Variants in KCNT2 observed in about 807,000 individuals in gnomAD.
KCNT2 encodes the protein potassium sodium-activated channel subfamily T member 2.
KCNT2 carries 67 observed loss-of-function variants against 153.8 expected under a neutral mutation model. The ratio of observed to expected loss-of-function variants is 0.44; its 90% confidence interval spans 0.36 to 0.53. The LOEUF (loss-of-function observed/expected upper bound fraction) is 0.53. Among genes scored for constraint, KCNT2 ranks in the 20% least tolerant of loss-of-function variants. The pLI, the probability that KCNT2 is intolerant of heterozygous loss-of-function variation, is 0.00. For synonymous variants in KCNT2, 500 were observed against 458.8 expected (o/e 1.09, Z -1.15); for missense variants, 975 against 1,354.8 (o/e 0.72, Z 4.40).
chr1:196,285,847 A>T, intron 22 of KCNT2, 89 bp from the exon 23 acceptor site: 1 of 732,120 alleles, frequency 1.4e-6, no homozygotes, highest in Non-Finnish European at 2.5e-6. Context: ...ATACGTAAAA[A>T]GTTCTCATCA....
intron 13 of KCNT2, among the ~76,000 whole-genome samples, chr1:196,384,204 C>A (rs141728818): frequency 1.2e-4 from 18 of 152,168 alleles, no homozygotes; most frequent in Non-Finnish European, 1.5e-4. Flanking sequence ...GAAACTAAAG[C>A]TGTTAACTTC....
Position 196,327,691 on chromosome 1 carries a change from G to T in KCNT2, c.2104-802C>A, listed in dbSNP as rs1380652833. On this transcript the variant is annotated intron_variant, in intron 18 of 27. Transcript: ENST00000294725. The stretch of plus-strand genomic sequence containing the variant: ...ATCTTTTTTTTTTTTTTTGAGACAG[G>T]GCCTCACTCCTGCCGCCCAGGCTGG... 9.3e-5 allele frequency among the ~76,000 whole-genome samples: 9 copies of T among 97,058 alleles called. No homozygotes were observed. The East Asian group carries it at 1.4e-3, about 16-fold the overall frequency. The allele number at this position is 97,058 out of a possible 152,430, so 63.7% of individuals were successfully genotyped here.
intron 14 of KCNT2, among the ~76,000 whole-genome samples, chr1:196,370,410 G>A (rs1390927933): frequency 1.3e-5 from 2 of 151,948 alleles, no homozygotes; most frequent in Non-Finnish European, 2.9e-5. Flanking sequence ...AGCTAGAACT[G>A]GAATTAACAT....
intron 5 of KCNT2, among the ~76,000 whole-genome samples, chr1:196,470,312 C>G (rs898912054): frequency 6.6e-6 from 1 of 151,644 alleles, no homozygotes; most frequent in Non-Finnish European, 1.5e-5. Flanking sequence ...CTGAAGAGAT[C>G]AAAGAAAAAA....
chr1:196,515,015 C>T (rs1183585563), intron 1 of KCNT2, among the ~76,000 whole-genome samples: 4 of 152,172 alleles, frequency 2.6e-5, no homozygotes, highest in African/African-American at 7.2e-5. Flanking sequence ...AGCCTCTTGA[C>T]ATAATCCATG....
At chr1:196,541,518 A>G (rs1284446227) in intron 1 of KCNT2, among the ~76,000 whole-genome samples, 1 of 152,194 alleles carries the variant, frequency 6.6e-6, no homozygotes, top group Non-Finnish European at 1.5e-5. Context: ...TTATTGGCGC[A>G]CAAACATACT....
chr1:196,390,995 A>G (rs1455851787), intron 13 of KCNT2, among the ~76,000 whole-genome samples: 1 of 150,198 alleles, frequency 6.7e-6, no homozygotes, highest in Non-Finnish European at 1.5e-5. Flanking sequence ...AGCCTTAACT[A>G]TCTATTGTAG....
chr1:196,511,089 A>C (rs2148796911), intron 1 of KCNT2, among the ~76,000 whole-genome samples: 1 of 149,968 alleles, frequency 6.7e-6, no homozygotes, highest in Non-Finnish European at 1.5e-5. Context: ...AAGTTGAATA[A>C]ATTATTACAC....
Position 196,489,926 on chromosome 1 carries a change from G to A in KCNT2, c.187C>T (p.Arg63Cys), listed in dbSNP as rs1553236950. The A allele has an allele frequency of 1.9e-6, 3 of 1,544,640 alleles. No individual in the cohort carries two copies. The highest frequency in any genetic ancestry group is 1.8e-6 in the Non-Finnish European group (2 of 1,130,502). The change falls in exon 3 of 28, where the codon CGC becomes TGC. Residue 63 changes from arginine to cysteine, a missense_variant. By Grantham distance (180) the Arg-to-Cys change is radical. Transcript: ENST00000294725. ...AATTTGAGAGAAAAATTGAACAGGCGTATCCTTAGACCTTTAAACAAATGA... is the reference window on the plus strand; with the variant it reads ...AATTTGAGAGAAAAATTGAACAGGCATATCCTTAGACCTTTAAACAAATGA... ...IKNQRSSLRI[R>C]LFNFSLKLLS...
At chr1:196,427,797 T>C (rs1673784707) in intron 10 of KCNT2, among the ~76,000 whole-genome samples, 2 of 152,100 alleles carry the variant, frequency 1.3e-5, no homozygotes, top group Non-Finnish European at 2.9e-5. Context: ...TCCATAAAAA[T>C]ATCATTTATG....
chr1:196,402,260 A>G (rs1671477427), intron 12 of KCNT2, among the ~76,000 whole-genome samples: 1 of 151,648 alleles, frequency 6.6e-6, no homozygotes, highest in South Asian at 2.1e-4. Context: ...CAAATGTTTA[A>G]TGTTTTAATG....
intron 1 of KCNT2, among the ~76,000 whole-genome samples, chr1:196,512,128 G>T (rs1348378592): frequency 6.6e-6 from 1 of 152,058 alleles, no homozygotes; most frequent in Non-Finnish European, 1.5e-5. Context: ...AGGCACAGTT[G>T]ATCATTTCAT....
At chr1:196,360,739 G>A (rs1011829677) in intron 14 of KCNT2, among the ~76,000 whole-genome samples, 3 of 152,062 alleles carry the variant, frequency 2.0e-5, no homozygotes, top group African/African-American at 4.8e-5. Flanking sequence ...AAGCCAAGGA[G>A]AGAGGACTGG....
chr1:196,368,982 T>C (rs1668273488), intron 14 of KCNT2, among the ~76,000 whole-genome samples: 1 of 152,132 alleles, frequency 6.6e-6, no homozygotes, highest in South Asian at 2.1e-4. Flanking sequence ...TTTCCCCCTC[T>C]CTCTTTTCTA....
At chr1:196,573,349 G>A (rs1412306398) in intron 1 of KCNT2, among the ~76,000 whole-genome samples, 1 of 152,066 alleles carries the variant, frequency 6.6e-6, no homozygotes, top group Non-Finnish European at 1.5e-5. Context: ...CTAAAATCAA[G>A]TGCACCTTCT....
chr1:196,602,942 G>T (rs1035052877), intron 1 of KCNT2, among the ~76,000 whole-genome samples: 1 of 150,102 alleles, frequency 6.7e-6, no homozygotes. Context: ...GCCCGCCACC[G>T]CGCCCGGCTA....
chr1:196,315,141 T>C lies in KCNT2; in HGVS notation c.2483+751A>G, dbSNP rs147011474. 2.3e-3 allele frequency among the ~76,000 whole-genome samples: 347 copies of C among 151,794 alleles called. 3 individuals carry two copies. Among genetic ancestry groups the C allele is most frequent in the African/African-American group, 7.9e-3 (328 of 41,462 alleles). On this transcript the variant is annotated intron_variant, in intron 21 of 27. Transcript: ENST00000294725. ...ATGGATGATGAGAAAGTTGAGATTG[T>C]TTCATTTACCTCTGTAATTTGGTAG... is the stretch of plus-strand genomic sequence containing the variant.
intron 1 of KCNT2, among the ~76,000 whole-genome samples, chr1:196,605,384 G>A (rs1453505140): frequency 6.6e-6 from 1 of 152,184 alleles, no homozygotes; most frequent in Non-Finnish European, 1.5e-5. Flanking sequence ...TTTGGACACA[G>A]TGTAGAACAT....
chr1:196,475,170 T>C (rs1159983199), intron 5 of KCNT2, among the ~76,000 whole-genome samples: 1 of 152,208 alleles, frequency 6.6e-6, no homozygotes, highest in Admixed American at 6.5e-5. Context: ...AATATACATA[T>C]GTAAACAAAT....
Sources: gnomAD v4.1 joint callset for allele counts (sites outside exome capture counted in the v4.1 genomes callset) on GRCh38, gnomAD v4.1.1 for gene constraint, MANE v1.5 for transcripts, NCBI Gene and HGNC (gene_info 2026-07-23, HGNC 2026-07-21) for gene names.